The following CBX2 variants were observed in gnomAD, a reference collection of about 807,000 sequenced individuals.
CBX2 encodes the protein chromobox protein homolog 2.
Under a neutral mutation model 21.0 loss-of-function variants are expected in CBX2, and 11 were observed. The ratio of observed to expected loss-of-function variants is 0.52; its 90% confidence interval spans 0.33 to 0.87. The LOEUF (loss-of-function observed/expected upper bound fraction) is 0.87, where lower values mean the gene tolerates loss of function less well. Ranked by LOEUF, CBX2 falls within the 40% of genes least tolerant of loss-of-function variation. The pLI is 0.02. For synonymous variants in CBX2, 364 were observed against 304.6 expected, an observed-to-expected ratio of 1.19 and a Z score of -2.03; for missense variants, 746 against 724.3, an observed-to-expected ratio of 1.03 and a Z score of -0.34.
intron 3 of CBX2, chr17:79,779,675 T>C (rs1907023620): frequency 1.3e-5 from 7 of 553,042 alleles, no homozygotes; most frequent in Non-Finnish European, 2.3e-5. Context: ...GCTTTGGTGT[T>C]TCCGACAGCC....
chr17:79,777,999 A>C (rs1167216105), upstream of CBX2: 1 of 140,380 alleles, frequency 7.1e-6, no homozygotes, highest in African/African-American at 2.6e-5. Flanking sequence ...GCCGCGGACA[A>C]TGCGCGCCCC....
rs1488063863 is a variant in CBX2, at chr17:79,784,460, G to T, written c.1017G>T (p.Gly339=). 1 of 1,612,070 alleles carries T rather than the reference G, an allele frequency of 6.2e-7. No homozygotes were observed. Among genetic ancestry groups the T allele is most frequent in the South Asian group, 1.1e-5 (1 of 91,042 alleles). ...HTHGASRVPA[G]CPGPQPAPTQ... Reference sequence around the variant, plus strand: ...ATGGTGCCAGCAGGGTGCCTGCTGGGTGCCCAGGCCCCCAGCCAGCACCCA... The same window carrying T: ...ATGGTGCCAGCAGGGTGCCTGCTGGTTGCCCAGGCCCCCAGCCAGCACCCA... Residue 339 remains glycine, a synonymous_variant, in exon 5 of 5, where the codon GGG becomes GGT. Transcript: ENST00000310942. The surrounding 1 kb of genome is among the most constrained non-coding windows in gnomAD (Gnocchi z 5.9).
At chr17:79,782,195 T>C in intron 4 of CBX2, 1 of 1,611,324 alleles carries the variant, frequency 6.2e-7, no homozygotes, top group Non-Finnish European at 8.5e-7. Context: ...AGCCTAAGAT[T>C]TGGGGGCTAC....
chr17:79,782,442 GAGGACAGGTGAGGC>G, intron 4 of CBX2: 1 of 1,287,146 alleles, frequency 7.8e-7, no homozygotes, highest in South Asian at 1.5e-5. Context: ...TCCCTCCCCT[GAGGACAGGTGAGGC>G]AGGACAGGAT....
chr17:79,780,966 A>G (rs1295577562), intron 3 of CBX2, among the ~76,000 whole-genome samples: 1 of 151,802 alleles, frequency 6.6e-6, no homozygotes, highest in African/African-American at 2.4e-5. Flanking sequence ...CCAGATAATT[A>G]CCAGGGCCCC....
chr17:79,782,089 A>T, intron 4 of CBX2: 5 of 1,613,372 alleles, frequency 3.1e-6, no homozygotes, highest in Non-Finnish European at 4.2e-6. Flanking sequence ...GCAGACAAGC[A>T]CTCTTCCCTC....
chr17:79,781,847 C>G (rs200854464), intron 4 of CBX2, 46 bp downstream of exon 4: 7 of 1,613,884 alleles, frequency 4.3e-6, no homozygotes, highest in Middle Eastern at 1.6e-4. Context: ...CCAGCACCCC[C>G]TTGGCGTAGG....
intron 3 of CBX2, 171 bp downstream of exon 3, chr17:79,779,598 C>T: frequency 1.5e-6 from 1 of 647,676 alleles, no homozygotes. Context: ...AAGTCCCCAG[C>T]CAGCCCCTCT....
intron 3 of CBX2, among the ~76,000 whole-genome samples, chr17:79,780,535 G>T (rs1161487397): frequency 6.6e-6 from 1 of 152,160 alleles, no homozygotes; most frequent in Non-Finnish European, 1.5e-5. Flanking sequence ...CGCTTCTCTG[G>T]ATCTAAGACG....
upstream of CBX2, among the ~76,000 whole-genome samples, chr17:79,777,368 G>C (rs1906795611): frequency 6.6e-6 from 1 of 151,962 alleles, no homozygotes; most frequent in East Asian, 1.9e-4. Context: ...TCAAAATCGG[G>C]GAACAAATTC....
intron 4 of CBX2, chr17:79,782,415 G>A (rs1028346772): frequency 2.0e-5 from 27 of 1,338,472 alleles, no homozygotes; most frequent in African/African-American, 3.0e-5. Context: ...CGCCCCTGGG[G>A]TCCGTGGTAG....
chr17:79,785,068 T>C lies in CBX2; in HGVS notation c.*26T>C. On this transcript the variant is annotated 3_prime_UTR_variant, in exon 5 of 5. Transcript: ENST00000310942. Reference sequence around the variant, plus strand: ...AGCCCCGGCGCCACCAGCTGCGCGGTCTTACTCCCCTTCCCTGCCTATGGT... The same window carrying C: ...AGCCCCGGCGCCACCAGCTGCGCGGCCTTACTCCCCTTCCCTGCCTATGGT... The C allele has an allele frequency of 6.4e-7, 1 of 1,572,326 alleles. No individual in the cohort carries two copies. The highest frequency in any genetic ancestry group is 1.3e-5 in the African/African-American group (1 of 74,440).
At position 79,784,256 on chromosome 17, in the gene CBX2, C is replaced by T. The variant is rs782067465; in HGVS notation, c.813C>T (p.Ala271=). 8.7e-6 allele frequency: 14 copies of T among 1,612,890 alleles called. No individual in the cohort carries two copies. In the East Asian group the frequency reaches 3.1e-4, roughly 36 times the overall value. ...NRMTQSQAQA[A]SRLALKAQAT... Reference sequence around the variant, plus strand: ...TGACCCAGAGCCAGGCCCAGGCTGCCAGCAGGTTGGCGCTGAAGGCCCAGG... The same window carrying T: ...TGACCCAGAGCCAGGCCCAGGCTGCTAGCAGGTTGGCGCTGAAGGCCCAGG... The change falls in exon 5 of 5, where the codon GCC becomes GCT. Residue 271 remains alanine, a synonymous_variant. Transcript: ENST00000310942. The surrounding 1 kb of genome is among the most constrained non-coding windows in gnomAD (Gnocchi z 5.9).
At chr17:79,781,478 G>C (rs1907194791) in intron 3 of CBX2, among the ~76,000 whole-genome samples, 1 of 152,184 alleles carries the variant, frequency 6.6e-6, no homozygotes, top group Non-Finnish European at 1.5e-5. Flanking sequence ...CCTGTCTTCA[G>C]CTTGTCCTTA....
Position 79,786,511 on chromosome 17 carries a change from C to A in CBX2, c.*1469C>A, listed in dbSNP as rs1433977294. 1.3e-5 allele frequency: 2 copies of A among 152,668 alleles called. No individual in the cohort carries two copies. Among genetic ancestry groups the A allele is most frequent in the Non-Finnish European group, 1.5e-5 (1 of 68,082 alleles). The allele number at this position is 152,668 out of a possible 1,614,324, so 9.5% of individuals were successfully genotyped here. A position where few individuals can be genotyped will look rare whatever the true frequency, so the allele number is the denominator to read the frequency against. On this transcript the variant is annotated 3_prime_UTR_variant, in exon 5 of 5. Transcript: ENST00000310942. ...GCCTCTAGGTGGTCACGTCTGGGAGCTAGCTTGTATGGCTTCTGACCAGTA... is the reference window on the plus strand; with the variant it reads ...GCCTCTAGGTGGTCACGTCTGGGAGATAGCTTGTATGGCTTCTGACCAGTA...
At chr17:79,783,310 C>T (rs782593988) in intron 4 of CBX2, among the ~76,000 whole-genome samples, 1 of 152,164 alleles carries the variant, frequency 6.6e-6, no homozygotes, top group Non-Finnish European at 1.5e-5. Context: ...CTGGAAGCCA[C>T]AGGAGTTGAT....
At chr17:79,782,423 T>C (rs1032196582) in intron 4 of CBX2, 43 of 1,316,108 alleles carry the variant, frequency 3.3e-5, no homozygotes, top group Middle Eastern at 6.0e-4. Context: ...GGGTCCGTGG[T>C]AGGGCCCCTC....
At chr17:79,780,980 T>C (rs2036317) in intron 3 of CBX2, among the ~76,000 whole-genome samples, 102,174 of 151,172 alleles carry the variant, frequency 0.68, 36,082 homozygotes, top group African/African-American at 0.89. Flanking sequence ...GGGCCCCTTT[T>C]CTGAAATACA....
chr17:79,781,314 C>T (rs782810720), intron 3 of CBX2, among the ~76,000 whole-genome samples: 1 of 152,162 alleles, frequency 6.6e-6, no homozygotes, highest in African/African-American at 2.4e-5. Flanking sequence ...TCCTGGGCTT[C>T]CTTCTCCTAT....
Sources: gnomAD v4.1 joint callset for allele counts (sites outside exome capture counted in the v4.1 genomes callset) on GRCh38, gnomAD v4.1.1 for gene constraint, Gnocchi (gnomAD v3.1) non-coding constraint, MANE v1.5 for transcripts, NCBI Gene and HGNC (gene_info 2026-07-23, HGNC 2026-07-21) for gene names.